Variants in PARD3B observed in about 807,000 individuals in gnomAD.
PARD3B encodes par-3 family cell polarity regulator beta.
PARD3B carries 103 observed loss-of-function variants against 130.2 expected under a neutral mutation model. The observed-to-expected ratio is 0.79, with a 90% CI of 0.67 to 0.93. The LOEUF (loss-of-function observed/expected upper bound fraction) is 0.93. PARD3B is among the 40% of genes least tolerant of loss of function. The pLI, the probability that PARD3B is intolerant of heterozygous loss-of-function variation, is 0.00. For synonymous variants in PARD3B, 583 were observed against 553.2 expected, an observed-to-expected ratio of 1.05 and a Z score of -0.76; for missense variants, 1,609 against 1,499.2, an observed-to-expected ratio of 1.07 and a Z score of -1.21.
chr2:204,699,721 A>G (rs2037798767), intron 2 of PARD3B, among the ~76,000 whole-genome samples: 1 of 152,158 alleles, frequency 6.6e-6, no homozygotes, highest in Admixed American at 6.6e-5. Flanking sequence ...CTCCATGTCA[A>G]AGGCATCAAC....
intron 2 of PARD3B, among the ~76,000 whole-genome samples, chr2:204,872,413 G>A (rs1311502713): frequency 6.6e-6 from 1 of 152,070 alleles, no homozygotes; most frequent in Non-Finnish European, 1.5e-5. Context: ...CTGTATATAG[G>A]GACATTTAGA....
At chr2:204,697,058 C>G (rs2037644381) in intron 2 of PARD3B, among the ~76,000 whole-genome samples, 1 of 152,004 alleles carries the variant, frequency 6.6e-6, no homozygotes, top group African/African-American at 2.4e-5. Context: ...ATTCTAATAG[C>G]CTAACAATCT....
At chr2:205,432,156 G>C (rs2047359896) in intron 19 of PARD3B, among the ~76,000 whole-genome samples, 1 of 151,984 alleles carries the variant, frequency 6.6e-6, no homozygotes, top group South Asian at 2.1e-4. Context: ...TTTATTTTTA[G>C]CTCATGGATC....
At chr2:204,960,226 C>G (rs967119629) in intron 2 of PARD3B, among the ~76,000 whole-genome samples, 1 of 152,150 alleles carries the variant, frequency 6.6e-6, no homozygotes, top group African/African-American at 2.4e-5. Context: ...ATAGATAAAT[C>G]AAAGTGGTGT....
intron 2 of PARD3B, among the ~76,000 whole-genome samples, chr2:204,747,124 G>A (rs1295694700): frequency 1.3e-5 from 2 of 152,112 alleles, no homozygotes; most frequent in African/African-American, 2.4e-5. Context: ...TAACGTTTAA[G>A]TCTTTAATCC....
Position 204,677,257 on chromosome 2 carries a change from T to C in PARD3B, c.121-8924T>C, listed in dbSNP as rs896505008. Among the ~76,000 whole-genome samples, 2 of 152,182 alleles carry C rather than the reference T, an allele frequency of 1.3e-5. No individual in the cohort carries two copies. The highest frequency in any genetic ancestry group is 2.4e-5 in the African/African-American group (1 of 41,448). ...CTCTGGTGCTCAACTGAAAAGACAATGAATACTCCAAGTCTAGATTAAAAA... is the reference window on the plus strand; with the variant it reads ...CTCTGGTGCTCAACTGAAAAGACAACGAATACTCCAAGTCTAGATTAAAAA... On this transcript the variant is annotated intron_variant, in intron 1 of 22. Coordinates refer to ENST00000406610, the MANE Select transcript of PARD3B (RefSeq NM_001302769.2). This position sits in a 1 kb window ranked among gnomAD's most constrained non-coding sequence, Gnocchi z 4.1.
chr2:204,957,097 A>G (rs1424099073), intron 2 of PARD3B, among the ~76,000 whole-genome samples: 3 of 152,202 alleles, frequency 2.0e-5, no homozygotes, highest in African/African-American at 7.2e-5. Context: ...CTAAAAGTAA[A>G]TAATACAGCA....
Position 204,855,360 on chromosome 2 carries a change from T to A in PARD3B, c.223-109792T>A, listed in dbSNP as rs557886686. Among the ~76,000 whole-genome samples the A allele has an allele frequency of 4.6e-5, 7 of 152,002 alleles. No homozygotes were observed. In the South Asian group the frequency reaches 1.5e-3, roughly 32 times the overall value. On this transcript the variant is annotated intron_variant, in intron 2 of 22. Transcript: ENST00000406610. ...GAGATTGAGACCATCCTGGCCAACA[T>A]GGTGAAACCCGTCTCTACTAAAAAT...
chr2:204,750,631 TACAC>T (rs370579605), intron 2 of PARD3B, among the ~76,000 whole-genome samples: 83 of 144,434 alleles, frequency 5.7e-4, no homozygotes, highest in South Asian at 3.7e-3. Flanking sequence ...CATACATACA[TACAC>T]ACACACATAC....
At chr2:205,205,270 G>T (rs1038214091) in intron 15 of PARD3B, among the ~76,000 whole-genome samples, 5 of 152,142 alleles carry the variant, frequency 3.3e-5, no homozygotes, top group African/African-American at 1.2e-4. Flanking sequence ...GTATAGGAAT[G>T]CTTGTGATTT....
chr2:204,646,294 T>A (rs1378525343), intron 1 of PARD3B, among the ~76,000 whole-genome samples: 1 of 152,058 alleles, frequency 6.6e-6, no homozygotes, highest in Non-Finnish European at 1.5e-5. Context: ...TCCTGAATGT[T>A]GTGATTATTA....
intron 1 of PARD3B, among the ~76,000 whole-genome samples, chr2:204,679,913 T>G (rs946739145): frequency 3.3e-5 from 5 of 152,072 alleles, no homozygotes; most frequent in African/African-American, 1.2e-4. Flanking sequence ...TATCATGTAT[T>G]ATTCCTTATA....
intron 3 of PARD3B, among the ~76,000 whole-genome samples, chr2:205,046,486 T>G (rs1259919443): frequency 6.6e-6 from 1 of 151,778 alleles, no homozygotes; most frequent in Non-Finnish European, 1.5e-5. Context: ...AGAAGTTTTT[T>G]TTTTTTTTTT....
chr2:204,740,075 G>A (rs1172433883), intron 2 of PARD3B, among the ~76,000 whole-genome samples: 2 of 151,752 alleles, frequency 1.3e-5, no homozygotes, highest in East Asian at 3.9e-4. Context: ...GTGCAGTGAT[G>A]CCATCTCGGC....
At chr2:204,892,021 G>A (rs1168186139) in intron 2 of PARD3B, among the ~76,000 whole-genome samples, 2 of 152,098 alleles carry the variant, frequency 1.3e-5, no homozygotes, top group South Asian at 2.1e-4. Flanking sequence ...GCTTCATGAC[G>A]CTTATATTCT....
At chr2:205,391,242 G>A (rs2045848913) in intron 18 of PARD3B, among the ~76,000 whole-genome samples, 1 of 152,242 alleles carries the variant, frequency 6.6e-6, no homozygotes, top group Non-Finnish European at 1.5e-5. Flanking sequence ...AAGGAAAGAG[G>A]AAGAAGGGGA....
intron 15 of PARD3B, among the ~76,000 whole-genome samples, chr2:205,237,595 CAGTTTTTTTT>C (rs1382082249): frequency 6.6e-6 from 1 of 152,014 alleles, no homozygotes; most frequent in Non-Finnish European, 1.5e-5. Flanking sequence ...ATGAAGTATT[CAGTTTTTTTT>C]AGAAATATAG....
At chr2:205,206,807 A>G (rs2037341996) in intron 15 of PARD3B, among the ~76,000 whole-genome samples, 1 of 151,850 alleles carries the variant, frequency 6.6e-6, no homozygotes, top group Admixed American at 6.6e-5. Context: ...AGACAGATCA[A>G]CGAGACAGAA....
intron 22 of PARD3B, among the ~76,000 whole-genome samples, chr2:205,593,836 A>G (rs578147241): frequency 1.7e-3 from 257 of 152,360 alleles, no homozygotes; most frequent in Non-Finnish European, 3.1e-3. Flanking sequence ...CCCGTTAGGC[A>G]GAGCAAGTTC....
Sources: allele counts gnomAD v4.1 joint callset (sites outside exome capture counted in the v4.1 genomes callset), GRCh38; gene constraint gnomAD v4.1.1; non-coding constraint Gnocchi (gnomAD v3.1); transcripts MANE v1.5; gene names NCBI Gene and HGNC (gene_info 2026-07-23, HGNC 2026-07-21).